Variants in KSR2 observed in about 807,000 individuals in gnomAD.
KSR2 encodes the protein kinase suppressor of ras 2.
KSR2 carries 25 observed loss-of-function variants against 107.8 expected under a neutral mutation model. The ratio of observed to expected loss-of-function variants is 0.23; its 90% CI spans 0.17 to 0.32. KSR2 has a LOEUF of 0.32. KSR2 is among the 10% of genes least tolerant of loss of function. The probability of loss-of-function intolerance (pLI) is 1.00; values close to 1 mark genes in which losing one functional copy is unlikely to be tolerated. For synonymous variants in KSR2, 480 were observed against 507.0 expected (o/e 0.95, Z 0.71); for missense variants, 887 against 1,268.9 (o/e 0.70, Z 4.57).
At chr12:117,743,231 A>G (rs10850894) in intron 4 of KSR2, among the ~76,000 whole-genome samples, 23,333 of 152,238 alleles carry the variant, frequency 0.15, 1,854 homozygotes, top group Middle Eastern at 0.24. Context: ...CCAACTTCCC[A>G]TTACTAACTC....
intron 3 of KSR2, among the ~76,000 whole-genome samples, chr12:117,841,997 C>T (rs1164981934): frequency 6.6e-6 from 1 of 152,262 alleles, no homozygotes; most frequent in Non-Finnish European, 1.5e-5. Flanking sequence ...TGCATTCCAA[C>T]TCTGAGCCAG....
intron 6 of KSR2, among the ~76,000 whole-genome samples, chr12:117,581,653 G>T (rs1032862966): frequency 6.6e-6 from 1 of 152,152 alleles, no homozygotes; most frequent in African/African-American, 2.4e-5. Flanking sequence ...CTAATTCAGG[G>T]AGTTAAAGGA....
At chr12:117,569,968 T>G (rs539754727) in intron 7 of KSR2, among the ~76,000 whole-genome samples, 1 of 151,862 alleles carries the variant, frequency 6.6e-6, no homozygotes, top group Non-Finnish European at 1.5e-5. Flanking sequence ...TGGGGGCAGT[T>G]TGGACCCCCA....
chr12:117,633,377 C>A (rs917737450), intron 5 of KSR2, among the ~76,000 whole-genome samples: 1 of 152,216 alleles, frequency 6.6e-6, no homozygotes, highest in Non-Finnish European at 1.5e-5. Context: ...CCACCAGGAA[C>A]AGGTGTGCGG....
chr12:117,721,193 C>G (rs757961595), intron 4 of KSR2, among the ~76,000 whole-genome samples: 4 of 152,130 alleles, frequency 2.6e-5, no homozygotes, highest in Non-Finnish European at 5.9e-5. Context: ...CTGGAAATAA[C>G]GGAAATCTTT....
chr12:117,767,052 A>T (rs548642676), intron 3 of KSR2, among the ~76,000 whole-genome samples: 4 of 151,158 alleles, frequency 2.6e-5, no homozygotes, highest in South Asian at 4.3e-4. Flanking sequence ...ACCAGCCTCA[A>T]CCTCCCAAAG....
At chr12:117,736,646 C>T (rs1207457434) in intron 4 of KSR2, among the ~76,000 whole-genome samples, 1 of 151,760 alleles carries the variant, frequency 6.6e-6, no homozygotes, top group Non-Finnish European at 1.5e-5. Context: ...CCTGTCTCTA[C>T]CAAAAAAATT....
intron 1 of KSR2, among the ~76,000 whole-genome samples, chr12:117,905,187 TAAC>T (rs1894800616): frequency 1.3e-5 from 2 of 151,944 alleles, no homozygotes; most frequent in Non-Finnish European, 2.9e-5. Flanking sequence ...ATCTCAAAAA[TAAC>T]ATAACATAAC....
chr12:117,577,227 A>G (rs78198049), intron 7 of KSR2, among the ~76,000 whole-genome samples: 6,920 of 152,270 alleles, frequency 0.045, 461 homozygotes, highest in African/African-American at 0.14. Flanking sequence ...AGTTCTCAGA[A>G]TCTTTTAAAC....
At chr12:117,760,839 T>C (rs189361192) in intron 4 of KSR2, among the ~76,000 whole-genome samples, 172 bp downstream of exon 4, 460 of 152,366 alleles carry the variant, frequency 3.0e-3, no homozygotes, top group Non-Finnish European at 4.8e-3. Flanking sequence ...TGGGAAATTC[T>C]GTTCTATTCA....
chr12:117,875,394 G>GAC (rs957749694), intron 1 of KSR2, among the ~76,000 whole-genome samples: 2 of 150,454 alleles, frequency 1.3e-5, no homozygotes, highest in African/African-American at 4.9e-5. Flanking sequence ...GGGAATGCAG[G>GAC]ACACCATGGG....
intron 4 of KSR2, among the ~76,000 whole-genome samples, chr12:117,675,346 A>G (rs1195380735): frequency 6.6e-6 from 1 of 152,210 alleles, no homozygotes; most frequent in African/African-American, 2.4e-5. Context: ...TTTGTGGGGA[A>G]TTCTAAAGGA....
intron 14 of KSR2, among the ~76,000 whole-genome samples, chr12:117,517,422 T>A (rs1444441556): frequency 6.6e-5 from 10 of 152,240 alleles, no homozygotes. Flanking sequence ...AAACAAGTCA[T>A]TCACTTGTGT....
chr12:117,903,593 C>G (rs1160639624), intron 1 of KSR2, among the ~76,000 whole-genome samples: 1 of 152,222 alleles, frequency 6.6e-6, no homozygotes, highest in Non-Finnish European at 1.5e-5. Flanking sequence ...AAACCTCTAC[C>G]ATATCACTGT....
intron 5 of KSR2, among the ~76,000 whole-genome samples, chr12:117,585,773 C>A (rs1879949305): frequency 6.6e-6 from 1 of 152,208 alleles, no homozygotes; most frequent in Non-Finnish European, 1.5e-5. Context: ...CATAGCTGAA[C>A]AAAAGCTTCT....
chr12:117,692,331 A>G (rs1885850401), intron 4 of KSR2, among the ~76,000 whole-genome samples: 1 of 151,650 alleles, frequency 6.6e-6, no homozygotes, highest in Non-Finnish European at 1.5e-5. Context: ...GATGTGGAGA[A>G]ATATGAGCTC....
At position 117,467,122 on chromosome 12, in the gene KSR2, G is replaced by A; in HGVS notation, c.*77C>T. ...TCTGATGCTGAGTCTCTGGCCTCCT[G>A]AGCTGGCAGAGGACAGAGTAGGGAG... On this transcript the variant is annotated 3_prime_UTR_variant, in exon 20 of 20. Transcript: ENST00000339824. 1 of 597,226 alleles carries A rather than the reference G, an allele frequency of 1.7e-6. No individual in the cohort carries two copies. The highest frequency in any genetic ancestry group is 3.0e-6 in the Non-Finnish European group (1 of 328,916). 37.0% of individuals were successfully genotyped at this position (597,226 alleles called of 1,614,324 possible). A position where few individuals can be genotyped will look rare whatever the true frequency, so the allele number is the denominator to read the frequency against.
In KSR2 at chr12:117,525,053, C is replaced by T. The variant is rs1265182078; in HGVS notation, c.2018G>A (p.Gly673Glu). The change falls in exon 14 of 20, where the codon GGA becomes GAA. Residue 673 changes from glycine to glutamate, a missense_variant. Coordinates refer to ENST00000339824, the MANE Select transcript of KSR2 (RefSeq NM_173598.6). ...FEQLEIGELI[G>E]KGRFGQVYHG... is the part of the protein sequence containing the mutation. ...GTACACTTGCCCAAAGCGGCCCTTT[C>T]CAATGAGCTCGCCGATCTCCAGCTG... is the stretch of plus-strand genomic sequence containing the variant. 1 of 1,614,012 alleles carries T rather than the reference C, an allele frequency of 6.2e-7. No homozygotes were observed. Among genetic ancestry groups the T allele is most frequent in the African/African-American group, 1.3e-5 (1 of 75,062 alleles).
In KSR2 at chr12:117,485,673, C is replaced by T. The variant is rs778164989; in HGVS notation, c.2238G>A (p.Thr746=). ...AIITSLCKGR[T]LYSVVRDAKI... ...TGGCATCCCTCACAACGGAATAGAG[C>T]GTCCGTCCCTTACAGAGGCTGAAAA... Residue 746 remains threonine (T), a synonymous_variant, in exon 15 of 20, where the codon ACG becomes ACA. Coordinates refer to ENST00000339824, the MANE Select transcript of KSR2 (RefSeq NM_173598.6). 18 of 1,612,986 alleles carry T rather than the reference C, an allele frequency of 1.1e-5. No individual in the cohort carries two copies. Among genetic ancestry groups the T allele is most frequent in the Non-Finnish European group, 1.4e-5 (16 of 1,179,224 alleles).
Sources: gnomAD v4.1 joint callset for allele counts (sites outside exome capture counted in the v4.1 genomes callset) on GRCh38, gnomAD v4.1.1 for gene constraint, MANE v1.5 for transcripts, NCBI Gene and HGNC (gene_info 2026-07-23, HGNC 2026-07-21) for gene names.